The following FLACC1 variants were observed in gnomAD, a reference collection of about 807,000 sequenced individuals.
FLACC1 encodes flagellum-associated coiled-coil domain-containing protein 1.
FLACC1 carries 66 observed loss-of-function variants against 62.8 expected under a neutral mutation model. The observed-to-expected ratio is 1.05, with a 90% confidence interval of 0.86 to 1.29. The LOEUF is 1.29. Ranked by LOEUF, FLACC1 falls within the 50% of genes most tolerant of loss-of-function variation. FLACC1 has a pLI of 0.00. For missense variants in FLACC1, 452 were observed against 489.1 expected, an observed-to-expected ratio of 0.92 and a Z score of 0.71; for synonymous variants, 156 against 161.0, an observed-to-expected ratio of 0.97 and a Z score of 0.24.
chr2:201,296,680 C>A (rs1045059518), intron 12 of FLACC1, among the ~76,000 whole-genome samples: 1 of 151,914 alleles, frequency 6.6e-6, no homozygotes, highest in East Asian at 1.9e-4. Context: ...ATGCAAAATT[C>A]TCATTCTGTT....
intron 9 of FLACC1, among the ~76,000 whole-genome samples, chr2:201,309,699 G>A (rs1438639550): frequency 2.0e-5 from 3 of 151,832 alleles, no homozygotes; most frequent in African/African-American, 7.3e-5. Context: ...ACAAGGTCAA[G>A]AGGTCAAGAC....
chr2:201,346,900 C>T lies in FLACC1; in HGVS notation c.235-225G>A, dbSNP rs1559419860. Among the ~76,000 whole-genome samples, 2 of 152,276 alleles carry T rather than the reference C, an allele frequency of 1.3e-5. No individual in the cohort carries two copies. Among genetic ancestry groups the T allele is most frequent in the East Asian group, 1.9e-4 (1 of 5,174 alleles). ...GTCCCTAGGGGCCTCTCAAGCTCTG[C>T]GCCAAACCAAGCCACTGATGCCCCT... is the stretch of plus-strand genomic sequence containing the variant. On this transcript the variant is annotated intron_variant, in intron 4 of 14. Coordinates refer to ENST00000392257, the MANE Select transcript of FLACC1 (RefSeq NM_001127391.3). The surrounding 1 kb of genome is among the most constrained non-coding windows in gnomAD (Gnocchi z 4.0).
At position 201,346,595 on chromosome 2, in the gene FLACC1, A is replaced by G; in HGVS notation, c.315T>C (p.Phe105=). The change falls in exon 5 of 15, where the codon TTT becomes TTC. Residue 105 remains phenylalanine, a synonymous_variant. Coordinates refer to ENST00000392257, the MANE Select transcript of FLACC1 (RefSeq NM_001127391.3). This position sits in a 1 kb window ranked among gnomAD's most constrained non-coding sequence, Gnocchi z 4.0. ...QISVTLGDEM[F]DRKKRWESEI... is the part of the protein sequence containing the mutation. ...CCGATTCCCACCGCTTTTTCCTATC[A>G]AACATCTCATCCCCTAAGGTGACAG... The G allele has an allele frequency of 6.2e-7, 1 of 1,614,216 alleles. No individual in the cohort carries two copies. Among genetic ancestry groups the G allele is most frequent in the Non-Finnish European group, 8.5e-7 (1 of 1,180,036 alleles).
intron 7 of FLACC1, 120 bp from the exon 8 acceptor site, chr2:201,330,953 T>C: frequency 1.6e-6 from 1 of 623,366 alleles, no homozygotes; most frequent in Non-Finnish European, 2.5e-6. Flanking sequence ...CACTTTTTTA[T>C]TTTTAAAATT....
chr2:201,305,469 C>G (rs1950083145), intron 11 of FLACC1, among the ~76,000 whole-genome samples: 1 of 152,188 alleles, frequency 6.6e-6, no homozygotes, highest in South Asian at 2.1e-4. Context: ...AATAGGAACA[C>G]TTTTACACTG....
At chr2:201,302,204 C>T (rs929503666) in intron 11 of FLACC1, among the ~76,000 whole-genome samples, 1 of 152,090 alleles carries the variant, frequency 6.6e-6, no homozygotes, top group Non-Finnish European at 1.5e-5. Context: ...TGCAGAGACA[C>T]ACAGAGGCTC....
chr2:201,288,537 A>C lies in FLACC1; in HGVS notation c.*118T>G, dbSNP rs574006204. On this transcript the variant is annotated 3_prime_UTR_variant, in exon 15 of 15. Transcript: ENST00000392257. ...CATTTTCAGACATTCAGAGAGTCAG[A>C]GCAACCCAAGAACTAAACTCATTAT... The C allele has an allele frequency of 1.0e-5, 13 of 1,285,792 alleles. No individual in the cohort carries two copies. The South Asian group carries it at 2.1e-4, about 20-fold the overall frequency. The allele number at this position is 1,285,792 out of a possible 1,614,324, so 79.6% of individuals were successfully genotyped here. A position where few individuals can be genotyped will look rare whatever the true frequency, so the allele number is the denominator to read the frequency against.
At chr2:201,342,270 A>AT (rs1950823783) in intron 7 of FLACC1, 100 bp downstream of exon 7, 1 of 1,231,438 alleles carries the variant, frequency 8.1e-7, no homozygotes, top group Non-Finnish European at 1.2e-6. Context: ...CCCCAACTCC[A>AT]TTTAGAACTA....
At chr2:201,347,340 C>T (rs575820963) in intron 4 of FLACC1, among the ~76,000 whole-genome samples, 4 of 152,296 alleles carry the variant, frequency 2.6e-5, no homozygotes, top group African/African-American at 7.2e-5. Flanking sequence ...GAGTCACCCT[C>T]CTCTCTCCAC....
the FLACC1 span, among the ~76,000 whole-genome samples, chr2:201,363,486 CT>C: frequency 9.9e-5 from 15 of 151,994 alleles, no homozygotes; most frequent in Admixed American, 9.2e-4. Context: ...GCCTGAGCCG[CT>C]GCCCCTCCCC....
rs1950868519 is a variant in FLACC1 at position 201,344,203 on chromosome 2, T to C, written c.429A>G (p.Gln143=). The change falls in exon 6 of 15, where the codon CAA becomes CAG. Residue 143 remains glutamine, a synonymous_variant. Coordinates refer to ENST00000392257, the MANE Select transcript of FLACC1 (RefSeq NM_001127391.3). ...GGGCAGACTGGTGGTCTCTGTTCAT[T>C]TGTTCAATTATTGCTGTCAGCTCTG... The part of the protein sequence containing the change: ...QISELTAIIE[Q]MNRDHQSAQK... The C allele has an allele frequency of 3.1e-6, 5 of 1,613,930 alleles. No homozygotes were observed. Among genetic ancestry groups the C allele is most frequent in the Non-Finnish European group, 4.2e-6 (5 of 1,179,860 alleles).
At chr2:201,306,502 C>G (rs1281165984) in intron 11 of FLACC1, among the ~76,000 whole-genome samples, 1 of 152,020 alleles carries the variant, frequency 6.6e-6, no homozygotes, top group Non-Finnish European at 1.5e-5. Context: ...ACAAAAATGA[C>G]CCATGACTCT....
At chr2:201,363,326 C>A in the FLACC1 span, among the ~76,000 whole-genome samples, 1 of 151,904 alleles carries the variant, frequency 6.6e-6, no homozygotes, top group South Asian at 2.1e-4. Flanking sequence ...CTAGGCAGAT[C>A]TCCAGGCATT....
upstream of FLACC1, among the ~76,000 whole-genome samples, chr2:201,360,948 C>T (rs1951181073): frequency 6.6e-6 from 1 of 152,076 alleles, no homozygotes; most frequent in African/African-American, 2.4e-5. Context: ...TGTGGTGGTG[C>T]ATGCTTGTAG....
chr2:201,301,403 CAA>C (rs1468008821), intron 11 of FLACC1, among the ~76,000 whole-genome samples: 1 of 152,022 alleles, frequency 6.6e-6, no homozygotes, highest in South Asian at 2.1e-4. Context: ...AAGAAATGAA[CAA>C]AGCCTCCAAG....
intron 12 of FLACC1, among the ~76,000 whole-genome samples, chr2:201,291,245 C>T (rs1949727756): frequency 6.6e-6 from 1 of 152,214 alleles, no homozygotes; most frequent in Admixed American, 6.5e-5. Flanking sequence ...GGGTCCCTGA[C>T]CCCTGAGTAG....
At chr2:201,358,943 T>C (rs1164036895), upstream of FLACC1, among the ~76,000 whole-genome samples, 1 of 152,114 alleles carries the variant, frequency 6.6e-6, no homozygotes, top group Non-Finnish European at 1.5e-5. Context: ...CAGGCAGCAG[T>C]GTTAAACAGA....
chr2:201,291,094 C>T lies in FLACC1; in HGVS notation c.943-1309G>A, dbSNP rs543428259. On this transcript the variant is annotated intron_variant, in intron 12 of 14. Coordinates refer to ENST00000392257, the MANE Select transcript of FLACC1 (RefSeq NM_001127391.3). Reference sequence around the variant, plus strand: ...GCCTGCCTGCCTCTGTAGACTCCACCTCTGGGGGCAGGCATAACCAAACAA... The same window carrying T: ...GCCTGCCTGCCTCTGTAGACTCCACTTCTGGGGGCAGGCATAACCAAACAA... 2.6e-5 allele frequency among the ~76,000 whole-genome samples: 4 copies of T among 152,352 alleles called. No individual in the cohort carries two copies. The East Asian group carries it at 7.7e-4, about 29-fold the overall frequency.
Position 201,330,457 on chromosome 2 carries a change from C to T in FLACC1, c.675+13G>A, listed in dbSNP as rs753660221. 1 of 1,609,554 alleles carries T rather than the reference C, an allele frequency of 6.2e-7. No homozygotes were observed. The highest frequency in any genetic ancestry group is 8.5e-7 in the Non-Finnish European group (1 of 1,176,778). On this transcript the variant is annotated intron_variant, in intron 9 of 14. Coordinates refer to ENST00000392257, the MANE Select transcript of FLACC1 (RefSeq NM_001127391.3). The stretch of plus-strand genomic sequence containing the variant: ...CCTTCTCTTGTAATCCAACAGGGAG[C>T]TGTGTATCTCACCTGATACGTACGA...
Sources: gnomAD v4.1 joint callset for allele counts (sites outside exome capture counted in the v4.1 genomes callset) on GRCh38, gnomAD v4.1.1 for gene constraint, Gnocchi (gnomAD v3.1) non-coding constraint, MANE v1.5 for transcripts, NCBI Gene and HGNC (gene_info 2026-07-23, HGNC 2026-07-21) for gene names.